SPPL3: variants seen among roughly 807,000 people sequenced by gnomAD.
SPPL3 encodes the protein signal peptide peptidase like 3.
SPPL3 carries 5 observed loss-of-function variants against 42.4 expected under a neutral mutation model. That is an observed-to-expected ratio of 0.12 (90% CI 0.06 to 0.25). The LOEUF (loss-of-function observed/expected upper bound fraction) is 0.25, where lower values mean the gene tolerates loss of function less well. SPPL3 is among the 10% of genes least tolerant of loss of function. The pLI is 1.00. For missense variants in SPPL3, 235 were observed against 489.0 expected (o/e 0.48, Z 4.90); for synonymous variants, 195 against 181.8 (o/e 1.07, Z -0.58).
chr12:120,768,549 A>G, intron 7 of SPPL3, 61 bp from the exon 8 acceptor site: 1 of 1,539,160 alleles, frequency 6.5e-7, no homozygotes, highest in Non-Finnish European at 8.9e-7. Flanking sequence ...TTTCAGCATC[A>G]GCCCTCCTTG....
At chr12:120,820,303 T>TA (rs202230201) in intron 1 of SPPL3, among the ~76,000 whole-genome samples, 1 of 144,316 alleles carries the variant, frequency 6.9e-6, no homozygotes, top group African/African-American at 2.6e-5. Context: ...TATCTTTCTC[T>TA]AAATTTTTTT....
intron 1 of SPPL3, among the ~76,000 whole-genome samples, chr12:120,824,534 CTT>C (rs1021591262): frequency 2.0e-5 from 3 of 151,930 alleles, no homozygotes; most frequent in African/African-American, 7.3e-5. Flanking sequence ...TTTTCTTAAA[CTT>C]TTATTTTTTC....
intron 1 of SPPL3, among the ~76,000 whole-genome samples, chr12:120,843,140 C>T (rs1871888618): frequency 6.6e-6 from 1 of 152,096 alleles, no homozygotes; most frequent in Non-Finnish European, 1.5e-5. Flanking sequence ...CACAGTAGGG[C>T]TACATGTCTG....
At chr12:120,816,461 A>G (rs989592861) in intron 1 of SPPL3, among the ~76,000 whole-genome samples, 1 of 152,242 alleles carries the variant, frequency 6.6e-6, no homozygotes, top group African/African-American at 2.4e-5. Flanking sequence ...TTACGATGTT[A>G]TTTGAAATTT....
At chr12:120,847,245 C>A (rs773739197) in intron 1 of SPPL3, among the ~76,000 whole-genome samples, 1 of 151,810 alleles carries the variant, frequency 6.6e-6, no homozygotes, top group East Asian at 1.9e-4. Flanking sequence ...AAGAATTTAG[C>A]GTCTCTTTGG....
intron 1 of SPPL3, among the ~76,000 whole-genome samples, chr12:120,828,183 A>G (rs1230033389): frequency 6.6e-6 from 1 of 152,222 alleles, no homozygotes; most frequent in African/African-American, 2.4e-5. Context: ...ATCTGTGAAA[A>G]TCCCCAAATA....
intron 1 of SPPL3, among the ~76,000 whole-genome samples, chr12:120,871,149 AG>A (rs377166432): frequency 6.7e-6 from 1 of 150,318 alleles, no homozygotes; most frequent in African/African-American, 2.4e-5. Context: ...AAAAAAAAAA[AG>A]AAAAAGTTCT....
intron 1 of SPPL3, among the ~76,000 whole-genome samples, chr12:120,852,393 CAT>C (rs1401017321): frequency 1.9e-5 from 1 of 51,702 alleles, no homozygotes; most frequent in Non-Finnish European, 4.1e-5. Flanking sequence ...ACATATTTTA[CAT>C]ATATGAAATA....
intron 1 of SPPL3, among the ~76,000 whole-genome samples, chr12:120,828,773 T>C (rs1288628550): frequency 1.3e-5 from 2 of 152,240 alleles, no homozygotes; most frequent in African/African-American, 4.8e-5. Context: ...TTGTTTGTGT[T>C]AGAGATGGAG....
At chr12:120,859,301 G>A (rs888346585) in intron 1 of SPPL3, among the ~76,000 whole-genome samples, 4 of 152,024 alleles carry the variant, frequency 2.6e-5, no homozygotes, top group Admixed American at 1.3e-4. Context: ...AGCTCAAAAA[G>A]TTCTGCATTT....
At chr12:120,881,522 T>A (rs1164397608) in intron 1 of SPPL3, among the ~76,000 whole-genome samples, 2 of 142,338 alleles carry the variant, frequency 1.4e-5, no homozygotes, top group Non-Finnish European at 3.0e-5. Context: ...AATGTTGAAT[T>A]GCCATACGAG....
At chr12:120,884,819 T>G (rs886696876) in intron 1 of SPPL3, among the ~76,000 whole-genome samples, 3 of 150,148 alleles carry the variant, frequency 2.0e-5, no homozygotes, top group African/African-American at 7.3e-5. Flanking sequence ...TTTTTTTTTT[T>G]TTTTGGCTTT....
chr12:120,828,086 C>A (rs1046846169), intron 1 of SPPL3, among the ~76,000 whole-genome samples: 2 of 152,172 alleles, frequency 1.3e-5, no homozygotes, highest in African/African-American at 4.8e-5. Context: ...CCACGTCTGG[C>A]CTAAGTCTCA....
chr12:120,811,739 C>T (rs1870687982), intron 1 of SPPL3, among the ~76,000 whole-genome samples: 1 of 152,102 alleles, frequency 6.6e-6, no homozygotes, highest in Non-Finnish European at 1.5e-5. Flanking sequence ...ATACTGCTTA[C>T]ATGCCAGGCA....
chr12:120,815,399 C>CT (rs796685290), intron 1 of SPPL3, among the ~76,000 whole-genome samples: 1 of 152,116 alleles, frequency 6.6e-6, no homozygotes, highest in South Asian at 2.1e-4. Flanking sequence ...AGCAGCTTTT[C>CT]TTTTTTATGA....
intron 1 of SPPL3, among the ~76,000 whole-genome samples, chr12:120,896,342 C>G (rs1316510999): frequency 6.6e-6 from 1 of 152,148 alleles, no homozygotes; most frequent in African/African-American, 2.4e-5. Context: ...TTGAGAGGAT[C>G]ATTGGGACTA....
Position 120,829,994 on chromosome 12 carries a change from CAA to C in SPPL3, c.24-19110_24-19109del, listed in dbSNP as rs35847324. Among the ~76,000 whole-genome samples the C allele has an allele frequency of 4.8e-3, 569 of 119,528 alleles. 3 individuals carry two copies. The highest frequency in any genetic ancestry group is 0.015 in the African/African-American group (479 of 32,604). 78.4% of individuals were successfully genotyped at this position (119,528 alleles called of 152,430 possible). A position where few individuals can be genotyped will look rare whatever the true frequency, so the allele number is the denominator to read the frequency against. The stretch of plus-strand genomic sequence containing the variant: ...GGGTGACAAGAGCAAAACTCCATCT[CAA>C]AAAAAAAAAAAAAGAAGAGTAAATT... On this transcript the variant is annotated intron_variant, in intron 1 of 10. Coordinates refer to ENST00000353487, the MANE Select transcript of SPPL3 (RefSeq NM_139015.5).
Position 120,763,146 on chromosome 12 carries a change from T to C in SPPL3, c.*1853A>G, listed in dbSNP as rs1266913720. The stretch of plus-strand genomic sequence containing the variant: ...CCAGGTCTGGGGACAGACAGAGTCT[T>C]CCCATCAGTCTTCCAGAACAGGGAG... On this transcript the variant is annotated 3_prime_UTR_variant, in exon 11 of 11. Transcript: ENST00000353487. 2.0e-5 allele frequency: 3 copies of C among 152,244 alleles called. No homozygotes were observed. Among genetic ancestry groups the C allele is most frequent in the African/African-American group, 7.2e-5 (3 of 41,442 alleles). The allele number at this position is 152,244 out of a possible 1,614,324, so 9.4% of individuals were successfully genotyped here.
intron 6 of SPPL3, among the ~76,000 whole-genome samples, chr12:120,776,242 G>A (rs1000576504): frequency 1.3e-5 from 2 of 152,174 alleles, no homozygotes; most frequent in Non-Finnish European, 1.5e-5. Flanking sequence ...TTAGGGTTTC[G>A]GGGAGCCTCA....
Sources: gnomAD v4.1 joint callset for allele counts (sites outside exome capture counted in the v4.1 genomes callset) on GRCh38, gnomAD v4.1.1 for gene constraint, MANE v1.5 for transcripts, NCBI Gene and HGNC (gene_info 2026-07-23, HGNC 2026-07-21) for gene names.